Variants in NEBL observed in about 807,000 individuals in gnomAD.
NEBL encodes nebulette, also known as LIM and SH3 protein 2.
NEBL carries 122 observed loss-of-function variants against 140.2 expected under a neutral mutation model. The ratio of observed to expected loss-of-function variants is 0.87; its 90% confidence interval spans 0.75 to 1.01. The LOEUF is 1.01. Among genes scored for constraint, NEBL ranks in the 50% least tolerant of loss-of-function variants. NEBL has a pLI of 0.00. For missense variants in NEBL, 1,365 were observed against 1,231.3 expected (o/e 1.11, Z -1.62); for synonymous variants, 436 against 398.9 (o/e 1.09, Z -1.11).
At chr10:20,937,928 A>T (rs1020261960) in intron 4 of NEBL, among the ~76,000 whole-genome samples, 2 of 152,150 alleles carry the variant, frequency 1.3e-5, no homozygotes, top group East Asian at 3.9e-4. Context: ...GAGTAGGTAA[A>T]CAAAGCGGCC....
chr10:21,069,442 C>T (rs1032903598), intron 2 of NEBL, among the ~76,000 whole-genome samples: 10 of 152,160 alleles, frequency 6.6e-5, no homozygotes, highest in Non-Finnish European at 1.0e-4. Context: ...TTTCAAGAAA[C>T]AGGATTCCAG....
At chr10:21,134,308 C>T (rs1255361900) in intron 2 of NEBL, among the ~76,000 whole-genome samples, 1 of 151,924 alleles carries the variant, frequency 6.6e-6, no homozygotes, top group Non-Finnish European at 1.5e-5. Flanking sequence ...AAGTCATGTC[C>T]TACTCTCCTA....
At chr10:21,001,833 G>A (rs555516088) in intron 3 of NEBL, among the ~76,000 whole-genome samples, 4 of 152,082 alleles carry the variant, frequency 2.6e-5, no homozygotes, top group South Asian at 2.1e-4. Flanking sequence ...TGATTTCCTC[G>A]CTCTGTTAGG....
At chr10:20,946,268 A>C (rs1369135979) in intron 4 of NEBL, among the ~76,000 whole-genome samples, 1 of 152,218 alleles carries the variant, frequency 6.6e-6, no homozygotes, top group Non-Finnish European at 1.5e-5. Context: ...GGATTTTCAA[A>C]TAATCTTTTC....
chr10:20,814,694 C>A (rs1838548089), intron 22 of NEBL, among the ~76,000 whole-genome samples: 1 of 151,572 alleles, frequency 6.6e-6, no homozygotes, highest in South Asian at 2.1e-4. Context: ...TTAAATAGAA[C>A]CCAAAGTTAT....
chr10:21,033,376 A>T (rs1833876106), intron 2 of NEBL, among the ~76,000 whole-genome samples: 1 of 152,256 alleles, frequency 6.6e-6, no homozygotes, highest in Non-Finnish European at 1.5e-5. Flanking sequence ...AAAAATAATT[A>T]TTTAAAGCCT....
chr10:21,175,103 C>T (rs1205284960), upstream of NEBL: 2 of 152,170 alleles, frequency 1.3e-5, no homozygotes, highest in Admixed American at 1.3e-4. Context: ...ATCGTTTCTT[C>T]CTTTTAATAA....
At chr10:20,972,961 T>C (rs1386186241) in intron 3 of NEBL, among the ~76,000 whole-genome samples, 3 of 152,110 alleles carry the variant, frequency 2.0e-5, no homozygotes, top group African/African-American at 7.2e-5. Flanking sequence ...CAACTAGAAA[T>C]AGAGCACTAA....
chr10:20,872,082 C>T (rs117174695), intron 5 of NEBL, among the ~76,000 whole-genome samples: 2,467 of 152,184 alleles, frequency 0.016, 34 homozygotes, highest in Non-Finnish European at 0.024. Context: ...GAAACCCTTA[C>T]TTTTTGAAAA....
At chr10:20,913,751 G>A (rs189442938) in intron 4 of NEBL, among the ~76,000 whole-genome samples, 2 of 152,122 alleles carry the variant, frequency 1.3e-5, no homozygotes, top group South Asian at 2.1e-4. Context: ...GCATTCTTGG[G>A]TTAAATACTA....
chr10:20,937,957 G>A (rs1460604422), intron 4 of NEBL, among the ~76,000 whole-genome samples: 1 of 152,194 alleles, frequency 6.6e-6, no homozygotes, highest in African/African-American at 2.4e-5. Flanking sequence ...TGAACTGGGT[G>A]GAGCCCACCT....
At chr10:21,253,436 G>C (rs1372578685) in intron 1 of NEBL, among the ~76,000 whole-genome samples, 12 of 152,020 alleles carry the variant, frequency 7.9e-5, no homozygotes, top group African/African-American at 2.9e-4. Context: ...ATGGCACACA[G>C]AGGAAAAATA....
intron 4 of NEBL, among the ~76,000 whole-genome samples, chr10:20,960,802 C>T (rs1161316091): frequency 6.6e-6 from 1 of 151,948 alleles, no homozygotes; most frequent in East Asian, 1.9e-4. Flanking sequence ...TAAACATGTC[C>T]TGGAAATTAA....
chr10:20,982,703 A>G (rs1482713984), intron 3 of NEBL, among the ~76,000 whole-genome samples: 2 of 152,216 alleles, frequency 1.3e-5, no homozygotes, highest in South Asian at 2.1e-4. Context: ...TAGGTATTCA[A>G]AAGTTCTTAG....
intron 3 of NEBL, among the ~76,000 whole-genome samples, chr10:21,184,141 C>A (rs1429480661): frequency 6.6e-6 from 1 of 152,154 alleles, no homozygotes; most frequent in African/African-American, 2.4e-5. Context: ...AAAAGGGAAG[C>A]CTGGCCCAAA....
At chr10:20,833,933 C>T (rs1298829980) in intron 14 of NEBL, among the ~76,000 whole-genome samples, 1 of 152,062 alleles carries the variant, frequency 6.6e-6, no homozygotes, top group Non-Finnish European at 1.5e-5. Context: ...ATGCTGATGA[C>T]AGGAATCAAA....
intron 2 of NEBL, among the ~76,000 whole-genome samples, chr10:21,039,515 A>T (rs114528683): frequency 6.6e-6 from 1 of 152,198 alleles, no homozygotes; most frequent in African/African-American, 2.4e-5. Flanking sequence ...GGTTTGTTGA[A>T]GATCAGATGG....
intron 1 of NEBL, among the ~76,000 whole-genome samples, chr10:21,254,612 A>G (rs969653919): frequency 6.6e-6 from 1 of 152,102 alleles, no homozygotes; most frequent in African/African-American, 2.4e-5. Context: ...TCCAACTAAT[A>G]ATAATGGAAT....
intron 4 of NEBL, among the ~76,000 whole-genome samples, chr10:20,931,485 C>G (rs1323830031): frequency 6.6e-6 from 1 of 152,152 alleles, no homozygotes; most frequent in Non-Finnish European, 1.5e-5. Context: ...AAATGTTCCT[C>G]TAAACTAACA....
Sources: allele counts gnomAD v4.1 joint callset (sites outside exome capture counted in the v4.1 genomes callset), GRCh38; gene constraint gnomAD v4.1.1; transcripts MANE v1.5; gene names NCBI Gene and HGNC (gene_info 2026-07-23, HGNC 2026-07-21).